Variants in ESCO1 observed in about 807,000 individuals in gnomAD.
ESCO1 encodes establishment of sister chromatid cohesion N-acetyltransferase 1.
A neutral mutation model predicts 83.5 loss-of-function variants in ESCO1; 33 were observed. That is an observed-to-expected ratio of 0.40 (90% CI 0.30 to 0.53). The LOEUF (loss-of-function observed/expected upper bound fraction) is 0.53. ESCO1 is among the 20% of genes least tolerant of loss of function. The pLI, the probability that ESCO1 is intolerant of heterozygous loss-of-function variation, is 0.63. For missense variants in ESCO1, 855 were observed against 968.0 expected, an observed-to-expected ratio of 0.88 and a Z score of 1.55; for synonymous variants, 332 against 324.3, an observed-to-expected ratio of 1.02 and a Z score of -0.25.
intron 1 of ESCO1, chr18:21,597,017 C>T (rs1393234770): frequency 2.0e-5 from 3 of 152,094 alleles, no homozygotes; most frequent in Non-Finnish European, 2.9e-5. Context: ...CAAAATCATA[C>T]GAGAGCAAAA....
Position 21,574,287 on chromosome 18 carries a change from G to C in ESCO1, c.557C>G (p.Ser186Cys). Reference sequence around the variant, plus strand: ...AATTACTAGATTTTCATCTTCTTTAGAGTCAGACTTTACTTCCAGTACTTT... The same window carrying C: ...AATTACTAGATTTTCATCTTCTTTACAGTCAGACTTTACTTCCAGTACTTT... ...KRKVLEVKSD[S>C]KEDENLVINE... The change falls in exon 4 of 12, where the codon TCT (serine) becomes TGT (cysteine). Residue 186 changes from serine to cysteine, a missense_variant. Physicochemically the swap from Ser to Cys is moderately radical, Grantham distance 112. Around this residue, in one of 2 missense-constraint regions of ESCO1, gnomAD observed 726 missense variants for 699.5 expected, o/e 1.04. Transcript: ENST00000269214. 2 of 1,613,564 alleles carry C rather than the reference G, an allele frequency of 1.2e-6. No individual in the cohort carries two copies. Among genetic ancestry groups the C allele is most frequent in the African/African-American group, 1.3e-5 (1 of 74,912 alleles).
intron 6 of ESCO1, among the ~76,000 whole-genome samples, chr18:21,565,177 T>TA (rs776795011): frequency 2.0e-4 from 31 of 151,722 alleles, no homozygotes; most frequent in African/African-American, 4.6e-4. Context: ...TAATTTTCAG[T>TA]AAAAAAAAGG....
At chr18:21,569,377 T>A (rs1467216482) in intron 4 of ESCO1, among the ~76,000 whole-genome samples, 1 of 151,662 alleles carries the variant, frequency 6.6e-6, no homozygotes, top group Non-Finnish European at 1.5e-5. Context: ...GGCGGGTGGA[T>A]CATGAGGTCA....
At chr18:21,550,696 A>C (rs1163305057) in intron 8 of ESCO1, among the ~76,000 whole-genome samples, 1 of 152,186 alleles carries the variant, frequency 6.6e-6, no homozygotes, top group Non-Finnish European at 1.5e-5. Context: ...CAAAGCCAAC[A>C]AGTCTATTAC....
chr18:21,575,098 G>T lies in ESCO1; in HGVS notation c.-255C>A, dbSNP rs577254227. 2.4e-4 allele frequency: 88 copies of T among 371,436 alleles called. No individual in the cohort carries two copies. Among genetic ancestry groups the T allele is most frequent in the Non-Finnish European group, 2.9e-4 (62 of 210,344 alleles). The allele number at this position is 371,436 out of a possible 1,614,324, so 23.0% of individuals were successfully genotyped here. A position where few individuals can be genotyped will look rare whatever the true frequency, so the allele number is the denominator to read the frequency against. On this transcript the variant is annotated 5_prime_UTR_variant, in exon 4 of 12. Coordinates refer to ENST00000269214, the MANE Select transcript of ESCO1 (RefSeq NM_052911.3). ...ACTTTGGACAAGGTAATAAAAATTT[G>T]AGGAAAATTTTGATTATTTTTAATA...
chr18:21,576,906 G>A (rs1428737824), intron 2 of ESCO1, among the ~76,000 whole-genome samples: 1 of 152,084 alleles, frequency 6.6e-6, no homozygotes, highest in African/African-American at 2.4e-5. Flanking sequence ...GGTGGCAGGC[G>A]CCTGTAATCC....
At chr18:21,551,515 A>G (rs1431164715) in intron 8 of ESCO1, among the ~76,000 whole-genome samples, 2 of 152,240 alleles carry the variant, frequency 1.3e-5, no homozygotes, top group African/African-American at 2.4e-5. Flanking sequence ...AGCAGACACA[A>G]GTAGCCATTT....
chr18:21,566,229 G>T, intron 5 of ESCO1, 23 bp from the exon 6 acceptor site: 1 of 1,604,414 alleles, frequency 6.2e-7, no homozygotes, highest in Non-Finnish European at 8.5e-7. Context: ...CAAGAAGGTG[G>T]GTTATATATT....
Position 21,573,448 on chromosome 18 carries a change from T to C in ESCO1, c.1396A>G (p.Asn466Asp). Residue 466 changes from asparagine to aspartate, a missense_variant, in exon 4 of 12, where the codon AAT (asparagine) becomes GAT (aspartate). Physicochemically the swap from Asn to Asp is conservative, Grantham distance 23. This residue lies in a region of ESCO1 where 726 missense variants were observed against 699.5 expected (regional missense o/e 1.04). Transcript: ENST00000269214. ...TTATTAATTTCTACTGTAATATCAT[T>C]AATTTTCACTTCTTCAGAATTAATT... is the stretch of plus-strand genomic sequence containing the variant. ...KEINSEEVKINDITVEINKTT... is the reference protein window; with the variant it reads ...KEINSEEVKIDDITVEINKTT... 1 of 1,612,222 alleles carries C rather than the reference T, an allele frequency of 6.2e-7. No individual in the cohort carries two copies. Among genetic ancestry groups the C allele is most frequent in the South Asian group, 1.1e-5 (1 of 90,330 alleles).
intron 8 of ESCO1, among the ~76,000 whole-genome samples, chr18:21,546,986 T>C (rs2037982156): frequency 6.6e-6 from 1 of 152,210 alleles, no homozygotes; most frequent in African/African-American, 2.4e-5. Flanking sequence ...AATACTTTTA[T>C]TTGCCTGGCC....
intron 4 of ESCO1, among the ~76,000 whole-genome samples, chr18:21,569,348 A>G (rs893273913): frequency 1.3e-5 from 2 of 152,246 alleles, no homozygotes; most frequent in Non-Finnish European, 2.9e-5. Context: ...CTGTAATCCC[A>G]GAACTTTTGG....
intron 8 of ESCO1, among the ~76,000 whole-genome samples, chr18:21,559,518 G>A (rs750270416): frequency 2.6e-4 from 39 of 152,132 alleles, no homozygotes; most frequent in Non-Finnish European, 5.4e-4. Flanking sequence ...TTAAGACTTT[G>A]AAATAAAATG....
intron 2 of ESCO1, among the ~76,000 whole-genome samples, chr18:21,580,942 A>C (rs1168012252): frequency 3.3e-5 from 5 of 152,180 alleles, no homozygotes; most frequent in Non-Finnish European, 7.3e-5. Flanking sequence ...GTAAGCTGAG[A>C]TCGCGCCATT....
At position 21,573,568 on chromosome 18, in the gene ESCO1, C is replaced by G. The variant is rs775842038; in HGVS notation, c.1276G>C (p.Ala426Pro). The G allele has an allele frequency of 1.2e-6, 2 of 1,614,112 alleles. No homozygotes were observed. The highest frequency in any genetic ancestry group is 2.2e-5 in the South Asian group (2 of 91,080). Residue 426 changes from alanine (A) to proline (P), a missense_variant, in exon 4 of 12, where the codon GCT becomes CCT. Physicochemically the swap from Ala to Pro is conservative, Grantham distance 27. Around this residue, in one of 2 missense-constraint regions of ESCO1, gnomAD observed 726 missense variants for 699.5 expected, o/e 1.04. Transcript: ENST00000269214. ...GLLRTSFSPP[A>P]LEMHHPVTQS... ...GTCACTGGATGATGCATTTCTAAAG[C>G]TGGTGGTGAAAAACTGGTTCGTAAT...
chr18:21,533,304 GT>G (rs2037791393), intron 10 of ESCO1, among the ~76,000 whole-genome samples: 1 of 151,346 alleles, frequency 6.6e-6, no homozygotes, highest in African/African-American at 2.4e-5. Flanking sequence ...TGTTTTTTTT[GT>G]TTTTTCTTTG....
intron 4 of ESCO1, among the ~76,000 whole-genome samples, chr18:21,570,802 C>G (rs2038329543): frequency 6.6e-6 from 1 of 151,908 alleles, no homozygotes; most frequent in African/African-American, 2.4e-5. Flanking sequence ...CGGGTGAAAC[C>G]CCGTCTCTAC....
chr18:21,559,523 A>G (rs1465820392), intron 8 of ESCO1, among the ~76,000 whole-genome samples: 1 of 152,236 alleles, frequency 6.6e-6, no homozygotes, highest in Non-Finnish European at 1.5e-5. Flanking sequence ...ACTTTGAAAT[A>G]AAATGTTTTT....
At position 21,593,786 on chromosome 18, in the gene ESCO1, C is replaced by G. The variant is rs74539260; in HGVS notation, c.-825+6837G>C. 8.4e-3 allele frequency among the ~76,000 whole-genome samples: 1,261 copies of G among 149,364 alleles called. 109 individuals carry two copies. In the East Asian group the frequency reaches 0.2, roughly 24 times the overall value. ...AATTCATAACTCCTTTCTGAAAAAC[C>G]TGCCATGGCCACAGGCACCTCCTTT... On this transcript the variant is annotated intron_variant, in intron 1 of 11. Transcript: ENST00000269214.
At chr18:21,569,263 G>A (rs1222098984) in intron 4 of ESCO1, among the ~76,000 whole-genome samples, 1 of 152,148 alleles carries the variant, frequency 6.6e-6, no homozygotes, top group Non-Finnish European at 1.5e-5. Flanking sequence ...CTCTAATTCA[G>A]AACCTTGCCA....
Sources: allele counts gnomAD v4.1 joint callset (sites outside exome capture counted in the v4.1 genomes callset), GRCh38; gene constraint gnomAD v4.1.1; regional missense constraint gnomAD v4.1.1; transcripts MANE v1.5; gene names NCBI Gene and HGNC (gene_info 2026-07-23, HGNC 2026-07-21).